CEP85L: variants seen among roughly 807,000 people sequenced by gnomAD.
CEP85L encodes the protein centrosomal protein of 85 kDa-like.
Under a neutral mutation model 100.3 loss-of-function variants are expected in CEP85L, and 60 were observed. That is an observed-to-expected ratio of 0.60 (90% confidence interval 0.49 to 0.74). CEP85L has a LOEUF of 0.74. CEP85L is among the 30% of genes least tolerant of loss of function. The pLI, the probability that CEP85L is intolerant of heterozygous loss-of-function variation, is 0.00. For synonymous variants in CEP85L, 319 were observed against 322.7 expected (o/e 0.99, Z 0.12); for missense variants, 973 against 936.2 (o/e 1.04, Z -0.51).
At chr6:118,627,365 G>C (rs1289539767) in intron 2 of CEP85L, among the ~76,000 whole-genome samples, 2 of 152,170 alleles carry the variant, frequency 1.3e-5, no homozygotes, top group East Asian at 3.8e-4. Flanking sequence ...CAGCATGTGA[G>C]AAGCCTGAAA....
intron 1 of CEP85L, among the ~76,000 whole-genome samples, chr6:118,649,980 C>T (rs1475653083): frequency 2.0e-5 from 3 of 152,142 alleles, no homozygotes; most frequent in South Asian, 4.1e-4. Flanking sequence ...ATTTCAATAG[C>T]CTGATACTAG....
chr6:118,600,300 G>GGTGTGTGTGT lies in CEP85L; in HGVS notation c.232+32143_232+32152dup, dbSNP rs59278037. 6.6e-3 allele frequency among the ~76,000 whole-genome samples: 345 copies of GGTGTGTGTGT among 52,172 alleles called. 43 individuals carry two copies. Among genetic ancestry groups the GGTGTGTGTGT allele is most frequent in the East Asian group, 0.014 (23 of 1,674 alleles). 34.2% of individuals were successfully genotyped at this position (52,172 alleles called of 152,430 possible). ...CTGCCTGTCCCTGAGCCTTCCTGGG[G>GGTGTGTGTGT]GTGTGTGTGTGTGTGTGTGTGTGTG... On this transcript the variant is annotated intron_variant, in intron 2 of 12. Transcript: ENST00000368491.
intron 5 of CEP85L, chr6:118,502,103 T>C: frequency 3.8e-6 from 4 of 1,044,596 alleles, no homozygotes; most frequent in Non-Finnish European, 5.7e-6. Context: ...TACTGCCCTA[T>C]GAGACTGGGA....
At chr6:118,654,369 T>C (rs1270519744), upstream of CEP85L, among the ~76,000 whole-genome samples, 2 of 152,092 alleles carry the variant, frequency 1.3e-5, no homozygotes, top group Non-Finnish European at 2.9e-5. Flanking sequence ...ATAAAATATA[T>C]AAATAGCAAA....
chr6:118,471,421 G>A (rs1772944670), intron 10 of CEP85L, among the ~76,000 whole-genome samples: 1 of 151,812 alleles, frequency 6.6e-6, no homozygotes, highest in African/African-American at 2.4e-5. Flanking sequence ...CAGAAGAGAG[G>A]TTATCATTTT....
At chr6:118,596,920 TG>T (rs1412165737) in intron 2 of CEP85L, among the ~76,000 whole-genome samples, 1 of 152,224 alleles carries the variant, frequency 6.6e-6, no homozygotes, top group Admixed American at 6.5e-5. Context: ...CATCTTGAAT[TG>T]TAGTTCCCAT....
chr6:118,697,455 A>T (rs12192532), intron 1 of CEP85L, among the ~76,000 whole-genome samples: 4,566 of 152,194 alleles, frequency 0.03, 108 homozygotes, highest in African/African-American at 0.058. Context: ...ACGATATACC[A>T]CTCAAGCTCT....
rs1480203905 is a variant in CEP85L, at chr6:118,529,972, G to A, written c.1021-6052C>T. Among the ~76,000 whole-genome samples the A allele has an allele frequency of 3.3e-5, 5 of 151,830 alleles. No homozygotes were observed. In the East Asian group the frequency reaches 9.6e-4, roughly 29 times the overall value. On this transcript the variant is annotated intron_variant, in intron 3 of 12. Transcript: ENST00000368491. ...GTTCTTGCACAATACTGGCTAACAT[G>A]AAAAAATAGATGCAGAGTGACAGTA...
intron 1 of CEP85L, among the ~76,000 whole-genome samples, chr6:118,658,663 T>A (rs1775874893): frequency 6.6e-6 from 1 of 152,144 alleles, no homozygotes; most frequent in African/African-American, 2.4e-5. Context: ...AATTACGAAA[T>A]TATGATTGTA....
intron 3 of CEP85L, chr6:118,538,036 G>T: frequency 1.7e-6 from 1 of 582,752 alleles, no homozygotes; most frequent in Non-Finnish European, 2.2e-6. Context: ...TTCACCAAGA[G>T]AAGGAAAATA....
intron 1 of CEP85L, among the ~76,000 whole-genome samples, chr6:118,634,964 A>G (rs1270418143): frequency 6.6e-6 from 1 of 152,184 alleles, no homozygotes. Flanking sequence ...AAGACAATAA[A>G]TTTTCTGGAT....
At chr6:118,558,140 A>G (rs140199745) in intron 3 of CEP85L, among the ~76,000 whole-genome samples, 168 of 152,114 alleles carry the variant, frequency 1.1e-3, no homozygotes, top group African/African-American at 3.9e-3. Flanking sequence ...TAGTAGAGAC[A>G]GGGTTTCACC....
intron 2 of CEP85L, among the ~76,000 whole-genome samples, chr6:118,616,686 C>A (rs1313057240): frequency 6.6e-6 from 1 of 150,912 alleles, no homozygotes; most frequent in Non-Finnish European, 1.5e-5. Context: ...GTGGCTCATG[C>A]CTGTAATCCC....
chr6:118,684,777 C>T (rs567638593), intron 1 of CEP85L, among the ~76,000 whole-genome samples: 5 of 152,082 alleles, frequency 3.3e-5, no homozygotes, highest in Non-Finnish European at 7.4e-5. Flanking sequence ...GCATTTTGAT[C>T]TGCAGTCCTG....
intron 1 of CEP85L, among the ~76,000 whole-genome samples, chr6:118,648,111 G>A (rs976402956): frequency 1.3e-5 from 2 of 152,154 alleles, no homozygotes; most frequent in South Asian, 4.1e-4. Context: ...AAAATTAGCT[G>A]GGTGTGGTGG....
intron 2 of CEP85L, among the ~76,000 whole-genome samples, chr6:118,607,801 T>C (rs1053788353): frequency 3.3e-5 from 5 of 152,040 alleles, no homozygotes; most frequent in Non-Finnish European, 4.4e-5. Context: ...GGTCTCAATA[T>C]TGTCCCTTTT....
At chr6:118,705,904 C>A (rs1198633194) in intron 1 of CEP85L, among the ~76,000 whole-genome samples, 1 of 152,246 alleles carries the variant, frequency 6.6e-6, no homozygotes, top group African/African-American at 2.4e-5. Flanking sequence ...GGTGTGAATT[C>A]TTTCTCTGAC....
upstream of CEP85L, chr6:118,652,502 G>A (rs1215798122): frequency 3.5e-5 from 48 of 1,360,458 alleles, no homozygotes; most frequent in South Asian, 7.1e-4. Context: ...GGGCTCTGCA[G>A]TAGGCCCATC....
chr6:118,526,262 GTAAC>G (rs977864337), intron 3 of CEP85L, among the ~76,000 whole-genome samples: 6 of 152,086 alleles, frequency 3.9e-5, no homozygotes, highest in Non-Finnish European at 8.8e-5. Flanking sequence ...ACTGTGGTTG[GTAAC>G]TAACTGCTGT....
Sources: gnomAD v4.1 joint callset for allele counts (sites outside exome capture counted in the v4.1 genomes callset) on GRCh38, gnomAD v4.1.1 for gene constraint, MANE v1.5 for transcripts, NCBI Gene and HGNC (gene_info 2026-07-23, HGNC 2026-07-21) for gene names.